RORA: variants seen among roughly 807,000 people sequenced by gnomAD.
The protein encoded by RORA is RAR related orphan receptor A.
Under a neutral mutation model 69.5 loss-of-function variants are expected in RORA, and 7 were observed. The observed-to-expected ratio is 0.10, with a 90% CI of 0.06 to 0.19. The LOEUF is 0.19. Ranked by LOEUF, RORA falls within the 10% of genes least tolerant of loss-of-function variation. RORA has a pLI of 1.00. For missense variants in RORA, 457 were observed against 663.0 expected, an observed-to-expected ratio of 0.69 and a Z score of 3.41; for synonymous variants, 261 against 240.8, an observed-to-expected ratio of 1.08 and a Z score of -0.78.
At chr15:61,082,066 G>A (rs1380500636) in intron 1 of RORA, among the ~76,000 whole-genome samples, 2 of 152,160 alleles carry the variant, frequency 1.3e-5, no homozygotes, top group African/African-American at 4.8e-5. Context: ...ACAATCATAT[G>A]TAAAAATAAT....
At chr15:61,097,638 G>A (rs2078810686) in intron 1 of RORA, among the ~76,000 whole-genome samples, 1 of 152,148 alleles carries the variant, frequency 6.6e-6, no homozygotes, top group South Asian at 2.1e-4. Flanking sequence ...AAGTTCTCAA[G>A]TACAGTACAA....
intron 1 of RORA, among the ~76,000 whole-genome samples, chr15:60,688,897 C>T (rs934912211): frequency 2.0e-5 from 3 of 152,178 alleles, no homozygotes; most frequent in Non-Finnish European, 4.4e-5. Context: ...TCAACACATA[C>T]CAGCAACCAA....
chr15:60,996,779 AGG>A (rs1293107729), intron 1 of RORA, among the ~76,000 whole-genome samples: 2 of 105,284 alleles, frequency 1.9e-5, no homozygotes, highest in African/African-American at 5.5e-5. Flanking sequence ...GAGTGGTGGC[AGG>A]CGCCTGTAGT....
intron 1 of RORA, among the ~76,000 whole-genome samples, chr15:60,904,484 G>A (rs527289456): frequency 5.3e-5 from 8 of 152,290 alleles, no homozygotes; most frequent in African/African-American, 1.2e-4. Flanking sequence ...AGAGAATCTG[G>A]CAGGGCCAAC....
intron 1 of RORA, among the ~76,000 whole-genome samples, chr15:61,082,801 G>C (rs551628576): frequency 6.6e-6 from 1 of 152,154 alleles, no homozygotes; most frequent in East Asian, 1.9e-4. Context: ...CTTTTCTCTA[G>C]GACATTCTAG....
chr15:61,151,908 T>C (rs879560049), intron 1 of RORA, among the ~76,000 whole-genome samples: 2 of 152,160 alleles, frequency 1.3e-5, no homozygotes, highest in Non-Finnish European at 2.9e-5. Context: ...TATTAGCACA[T>C]GGTTTGTCTT....
At chr15:60,705,688 C>CACCA (rs2071051892) in intron 1 of RORA, among the ~76,000 whole-genome samples, 1 of 152,146 alleles carries the variant, frequency 6.6e-6, no homozygotes, top group Non-Finnish European at 1.5e-5. Flanking sequence ...CCATTCCCTT[C>CACCA]ACCAACCAAC....
At chr15:60,849,409 T>C (rs1287772240) in intron 1 of RORA, among the ~76,000 whole-genome samples, 7 of 152,198 alleles carry the variant, frequency 4.6e-5, no homozygotes, top group African/African-American at 1.4e-4. Context: ...CAAATATTAA[T>C]AGATGAAACG....
intron 1 of RORA, among the ~76,000 whole-genome samples, chr15:60,756,513 C>T (rs2071803670): frequency 1.3e-5 from 2 of 152,128 alleles, no homozygotes; most frequent in South Asian, 4.1e-4. Context: ...ATTGCATTTA[C>T]CTGTCACATA....
intron 2 of RORA, among the ~76,000 whole-genome samples, chr15:60,626,620 G>A (rs1018932257): frequency 2.0e-5 from 3 of 152,158 alleles, no homozygotes; most frequent in Admixed American, 6.5e-5. Context: ...CCATGAGGCT[G>A]TCGCTGTTAT....
chr15:60,593,134 C>T lies in RORA; in HGVS notation c.197-61283G>A, dbSNP rs1035822243. 4.2e-5 allele frequency: 13 copies of T among 309,298 alleles called. No individual in the cohort carries two copies. In the Admixed American group the frequency reaches 4.3e-4, roughly 10 times the overall value. The allele number at this position is 309,298 out of a possible 1,614,324, so 19.2% of individuals were successfully genotyped here. A position where few individuals can be genotyped will look rare whatever the true frequency, so the allele number is the denominator to read the frequency against. The stretch of plus-strand genomic sequence containing the variant: ...CGAAGTCTTTCTGGAGAGACTCGGC[C>T]TGGGCGGGGGAACTCCGCCCACCCA... On this transcript the variant is annotated intron_variant, in intron 2 of 10. Transcript: ENST00000335670.
chr15:60,909,512 CATAA>C (rs1278716677), intron 1 of RORA, among the ~76,000 whole-genome samples: 2 of 152,068 alleles, frequency 1.3e-5, no homozygotes, highest in Non-Finnish European at 2.9e-5. Flanking sequence ...CCCTCACACA[CATAA>C]ATAAATGGAG....
At chr15:61,195,072 T>C (rs1158144763) in intron 1 of RORA, among the ~76,000 whole-genome samples, 1 of 152,134 alleles carries the variant, frequency 6.6e-6, no homozygotes, top group Non-Finnish European at 1.5e-5. Context: ...CACAGTGATG[T>C]CTTTAGGATC....
intron 1 of RORA, among the ~76,000 whole-genome samples, chr15:61,202,811 G>A (rs993977229): frequency 1.1e-4 from 17 of 152,118 alleles, no homozygotes; most frequent in Non-Finnish European, 1.6e-4. Flanking sequence ...AGGCCCATAT[G>A]AGAAGCTGAA....
intron 1 of RORA, among the ~76,000 whole-genome samples, chr15:61,158,300 TCTC>T (rs1340965480): frequency 2.0e-5 from 3 of 152,262 alleles, no homozygotes; most frequent in Middle Eastern, 3.4e-3. Context: ...CTGACAGCCT[TCTC>T]CTCTCTGGAA....
intron 1 of RORA, among the ~76,000 whole-genome samples, chr15:61,043,999 A>G (rs1313866560): frequency 6.6e-6 from 1 of 152,148 alleles, no homozygotes; most frequent in African/African-American, 2.4e-5. Flanking sequence ...AACAAACCTA[A>G]AAAGAGCCAC....
In RORA at chr15:60,592,907, C is replaced by T. The variant is rs552738895; in HGVS notation, c.197-61056G>A. ...GTGGGGCAAGAGGCTCGCAACCCGA[C>T]GCCACTCTCCCGCTGGCTTGCCGGA... On this transcript the variant is annotated intron_variant, in intron 2 of 10. Transcript: ENST00000335670. 8 of 455,782 alleles carry T rather than the reference C, an allele frequency of 1.8e-5. 1 individual carries two copies. The highest frequency in any genetic ancestry group is 1.1e-4 in the South Asian group (7 of 64,412). 28.2% of individuals were successfully genotyped at this position (455,782 alleles called of 1,614,324 possible).
chr15:60,492,445 A>T lies in RORA; in HGVS notation c.*5010T>A, dbSNP rs1227146855. 3 of 152,180 alleles carry T rather than the reference A, an allele frequency of 2.0e-5. No individual in the cohort carries two copies. The highest frequency in any genetic ancestry group is 4.1e-4 in the South Asian group (2 of 4,832). 9.4% of individuals were successfully genotyped at this position (152,180 alleles called of 1,614,324 possible). ...CATGTAGAAGTAAGAATTGTTTTCCATGAAGGAATTTTTGGTTTGCTTCTA... is the reference window on the plus strand; with the variant it reads ...CATGTAGAAGTAAGAATTGTTTTCCTTGAAGGAATTTTTGGTTTGCTTCTA... On this transcript the variant is annotated 3_prime_UTR_variant, in exon 11 of 11. Transcript: ENST00000335670.
intron 1 of RORA, among the ~76,000 whole-genome samples, chr15:60,743,304 C>T (rs545469345): frequency 1.3e-5 from 2 of 152,168 alleles, no homozygotes; most frequent in South Asian, 2.1e-4. Flanking sequence ...CGTGAGCCAC[C>T]GCACCCGGCT....
Sources: gnomAD v4.1 joint callset for allele counts (sites outside exome capture counted in the v4.1 genomes callset) on GRCh38, gnomAD v4.1.1 for gene constraint, MANE v1.5 for transcripts, NCBI Gene and HGNC (gene_info 2026-07-23, HGNC 2026-07-21) for gene names.